KIF27: variants seen among roughly 807,000 people sequenced by gnomAD.
KIF27 encodes the protein kinesin family member 27, also known as kinesin-like protein KIF27.
A neutral mutation model predicts 141.8 loss-of-function variants in KIF27; 84 were observed. The ratio of observed to expected loss-of-function variants is 0.59; its 90% CI spans 0.50 to 0.71. KIF27 has a LOEUF of 0.71. Ranked by LOEUF, KIF27 falls within the 30% of genes least tolerant of loss-of-function variation. The pLI is 0.00. For missense variants in KIF27, 1,306 were observed against 1,628.4 expected, an observed-to-expected ratio of 0.80 and a Z score of 3.41; for synonymous variants, 471 against 569.5, an observed-to-expected ratio of 0.83 and a Z score of 2.46.
intron 5 of KIF27, among the ~76,000 whole-genome samples, chr9:83,898,277 A>G (rs936208456): frequency 5.3e-5 from 8 of 152,354 alleles, no homozygotes; most frequent in African/African-American, 1.9e-4. Flanking sequence ...TACAGATAAA[A>G]TATTAGAATT....
chr9:83,852,754 A>G (rs1015310553), intron 15 of KIF27, among the ~76,000 whole-genome samples: 8 of 152,086 alleles, frequency 5.3e-5, no homozygotes, highest in African/African-American at 1.7e-4. Flanking sequence ...TCAGCCTCCC[A>G]AGTATCTGGG....
chr9:83,905,092 G>T (rs1446685774), intron 3 of KIF27, among the ~76,000 whole-genome samples: 1 of 151,210 alleles, frequency 6.6e-6, no homozygotes, highest in Non-Finnish European at 1.5e-5. Context: ...TTTACTACCC[G>T]CATTATTTGT....
At chr9:83,886,963 A>G in intron 9 of KIF27, 78 bp downstream of exon 9, 1 of 1,434,448 alleles carries the variant, frequency 7.0e-7, no homozygotes. Flanking sequence ...TTCAAAAACT[A>G]AAGTAACTGT....
chr9:83,879,901 C>A (rs550618542), intron 11 of KIF27, among the ~76,000 whole-genome samples: 1 of 152,288 alleles, frequency 6.6e-6, no homozygotes, highest in Admixed American at 6.5e-5. Context: ...GAAATGGTAC[C>A]ACTTTACCTG....
chr9:83,918,305 A>G (rs1216695788), intron 1 of KIF27, among the ~76,000 whole-genome samples: 1 of 129,186 alleles, frequency 7.7e-6, no homozygotes, highest in East Asian at 2.6e-4. Flanking sequence ...GAGAGAGAGA[A>G]AGAGAGAACG....
chr9:83,918,807 G>T (rs1047201323), intron 1 of KIF27, among the ~76,000 whole-genome samples: 1 of 152,152 alleles, frequency 6.6e-6, no homozygotes, highest in African/African-American at 2.4e-5. Flanking sequence ...CAGGCGCAGT[G>T]GCTCAAACCT....
chr9:83,909,970 G>C (rs1954971310), intron 2 of KIF27, among the ~76,000 whole-genome samples: 1 of 152,090 alleles, frequency 6.6e-6, no homozygotes, highest in South Asian at 2.1e-4. Context: ...AGGCTGAGAA[G>C]GGAGGATTAC....
In KIF27 at chr9:83,835,618, C is replaced by G. The variant is rs1032990372; in HGVS notation, c.*1383G>C. 6.6e-5 allele frequency: 10 copies of G among 152,044 alleles called. No homozygotes were observed. The highest frequency in any genetic ancestry group is 2.0e-4 in the Admixed American group (3 of 15,250). 9.4% of individuals were successfully genotyped at this position (152,044 alleles called of 1,614,324 possible). ...GGGGCTAGCAATGAGAGAAAGGAAG[C>G]CTTAAGTCTTTGAGCACAGGGTGAC... On this transcript the variant is annotated 3_prime_UTR_variant, in exon 18 of 18. Transcript: ENST00000297814.
intron 14 of KIF27, among the ~76,000 whole-genome samples, chr9:83,858,018 T>C (rs956456853): frequency 4.0e-5 from 6 of 150,216 alleles, no homozygotes; most frequent in African/African-American, 1.5e-4. Context: ...TTAGTAATAG[T>C]CACCGGCAGG....
At chr9:83,894,088 A>G (rs1403309966) in intron 5 of KIF27, among the ~76,000 whole-genome samples, 3 of 152,236 alleles carry the variant, frequency 2.0e-5, no homozygotes, top group Non-Finnish European at 2.9e-5. Flanking sequence ...AAAAGAAAAT[A>G]CTAATATGAT....
chr9:83,911,288 T>C (rs1375003594), intron 2 of KIF27, among the ~76,000 whole-genome samples: 2 of 152,162 alleles, frequency 1.3e-5, no homozygotes, highest in Non-Finnish European at 2.9e-5. Flanking sequence ...AGGAGTGCAG[T>C]GGTGCCATCT....
Position 83,870,145 on chromosome 9 carries a change from A to C in KIF27, c.2757+374T>G, listed in dbSNP as rs192986507. 4.2e-3 allele frequency among the ~76,000 whole-genome samples: 628 copies of C among 151,136 alleles called. 9 individuals carry two copies. The highest frequency in any genetic ancestry group is 0.014 in the African/African-American group (580 of 40,952). ...AGTTTTTACATCTATCTATCTCTCT[A>C]TCTATCTATCTATCTATCTATCTAC... On this transcript the variant is annotated intron_variant, in intron 12 of 17. Coordinates refer to ENST00000297814, the MANE Select transcript of KIF27 (RefSeq NM_017576.4).
intron 16 of KIF27, among the ~76,000 whole-genome samples, chr9:83,847,334 T>A (rs2087564481): frequency 6.6e-6 from 1 of 152,206 alleles, no homozygotes; most frequent in Non-Finnish European, 1.5e-5. Flanking sequence ...TCATTTTATT[T>A]CCTTTTTCCT....
intron 2 of KIF27, among the ~76,000 whole-genome samples, chr9:83,913,689 G>A (rs557498584): frequency 2.6e-5 from 4 of 152,188 alleles, no homozygotes; most frequent in South Asian, 2.1e-4. Context: ...TGCCTGCCTC[G>A]GCCTCCCAAA....
chr9:83,870,147 C>T (rs1188009635), intron 12 of KIF27, among the ~76,000 whole-genome samples: 11 of 151,856 alleles, frequency 7.2e-5, no homozygotes, highest in Admixed American at 7.2e-4. Flanking sequence ...ATCTCTCTAT[C>T]TATCTATCTA....
chr9:83,867,344 C>T (rs1950445297), intron 13 of KIF27, among the ~76,000 whole-genome samples: 1 of 152,066 alleles, frequency 6.6e-6, no homozygotes, highest in African/African-American at 2.4e-5. Context: ...TACATGCTTT[C>T]ATTTCTCATG....
intron 5 of KIF27, among the ~76,000 whole-genome samples, chr9:83,891,824 TTC>T (rs1952711075): frequency 6.6e-6 from 1 of 152,196 alleles, no homozygotes; most frequent in Non-Finnish European, 1.5e-5. Flanking sequence ...AGTATGGACT[TTC>T]TGAGTGAAAT....
At chr9:83,891,529 A>C in intron 5 of KIF27, 28 bp from the exon 6 acceptor site, 1 of 1,565,590 alleles carries the variant, frequency 6.4e-7, no homozygotes, top group South Asian at 1.1e-5. Context: ...GAAAATTTTT[A>C]ATATAGAGCA....
At chr9:83,848,155 CATATATGATATATCTGATATA>C (rs1947734329) in intron 16 of KIF27, among the ~76,000 whole-genome samples, 2 of 45,722 alleles carry the variant, frequency 4.4e-5, no homozygotes, top group African/African-American at 2.5e-4. Flanking sequence ...TCTGATATAT[CATATATGATATATCTGATATA>C]TCATATATGA....
Sources: allele counts gnomAD v4.1 joint callset (sites outside exome capture counted in the v4.1 genomes callset), GRCh38; gene constraint gnomAD v4.1.1; transcripts MANE v1.5; gene names NCBI Gene and HGNC (gene_info 2026-07-23, HGNC 2026-07-21).